The following SHISA6 variants were observed in gnomAD, a reference collection of about 807,000 sequenced individuals.
SHISA6 encodes the protein shisa family member 6, also known as protein shisa-6.
A neutral mutation model predicts 47.9 loss-of-function variants in SHISA6; 22 were observed. The observed-to-expected ratio is 0.46, with a 90% CI of 0.33 to 0.66. The LOEUF (loss-of-function observed/expected upper bound fraction) is 0.66, where lower values mean the gene tolerates loss of function less well. Among genes scored for constraint, SHISA6 ranks in the 30% least tolerant of loss-of-function variants. SHISA6 has a pLI of 0.02. For synonymous variants in SHISA6, 388 were observed against 337.8 expected (o/e 1.15, Z -1.63); for missense variants, 680 against 764.6 (o/e 0.89, Z 1.30).
intron 1 of SHISA6, 78 bp from the exon 2 acceptor site, chr17:11,263,288 A>G: frequency 1.4e-6 from 2 of 1,447,940 alleles, no homozygotes; most frequent in Non-Finnish European, 9.4e-7. Flanking sequence ...CAAAGGGCAT[A>G]TGAAAGTAAG....
At chr17:11,465,236 A>C (rs571609261) in intron 3 of SHISA6, among the ~76,000 whole-genome samples, 34 of 152,134 alleles carry the variant, frequency 2.2e-4, no homozygotes, top group Middle Eastern at 6.8e-3. Flanking sequence ...CCTCCAGCCT[A>C]CTGAATCCTA....
chr17:11,487,475 A>T (rs1388189582), intron 3 of SHISA6, among the ~76,000 whole-genome samples: 2 of 152,200 alleles, frequency 1.3e-5, no homozygotes. Context: ...AAGTGGGGAC[A>T]AGAGTCAGAC....
At chr17:11,547,103 G>A (rs1166428069) in intron 3 of SHISA6, among the ~76,000 whole-genome samples, 2 of 152,200 alleles carry the variant, frequency 1.3e-5, no homozygotes, top group African/African-American at 4.8e-5. Context: ...GAACACAAGA[G>A]TAGTGGAAGA....
At chr17:11,414,150 C>A (rs1914214832) in intron 3 of SHISA6, among the ~76,000 whole-genome samples, 1 of 151,750 alleles carries the variant, frequency 6.6e-6, no homozygotes, top group Non-Finnish European at 1.5e-5. Flanking sequence ...CCTTCCTCAT[C>A]TTTCTTCTGT....
At chr17:11,303,492 T>C (rs935614330) in intron 2 of SHISA6, among the ~76,000 whole-genome samples, 2 of 152,108 alleles carry the variant, frequency 1.3e-5, no homozygotes, top group Non-Finnish European at 2.9e-5. Context: ...TGATCACTTG[T>C]GTGTGACTGT....
At chr17:11,243,020 G>A (rs1006145343) in intron 1 of SHISA6, among the ~76,000 whole-genome samples, 1 of 151,942 alleles carries the variant, frequency 6.6e-6, no homozygotes, top group Non-Finnish European at 1.5e-5. Context: ...TGGTGCAAGA[G>A]TCCTCTCAGG....
chr17:11,322,809 C>A (rs1910755576), intron 2 of SHISA6, among the ~76,000 whole-genome samples: 1 of 152,140 alleles, frequency 6.6e-6, no homozygotes, highest in African/African-American at 2.4e-5. Context: ...CAGGCTCCTA[C>A]AAAAGAAATG....
At chr17:11,331,461 T>C (rs1911109496) in intron 2 of SHISA6, among the ~76,000 whole-genome samples, 1 of 152,194 alleles carries the variant, frequency 6.6e-6, no homozygotes. Flanking sequence ...GCCTGCTTTG[T>C]TTTTGAGAGG....
At chr17:11,270,679 AT>A (rs774390741) in intron 2 of SHISA6, among the ~76,000 whole-genome samples, 7 of 152,200 alleles carry the variant, frequency 4.6e-5, no homozygotes, top group Non-Finnish European at 1.0e-4. Context: ...ATTTGGACAT[AT>A]GTTTCCATAA....
intron 1 of SHISA6, among the ~76,000 whole-genome samples, chr17:11,257,622 C>A (rs763445390): frequency 3.4e-5 from 5 of 147,752 alleles, no homozygotes; most frequent in Admixed American, 6.8e-5. Context: ...GATCTCACCA[C>A]TGCACTGCAG....
chr17:11,414,905 G>A (rs1030851070), intron 3 of SHISA6, among the ~76,000 whole-genome samples: 2 of 151,714 alleles, frequency 1.3e-5, no homozygotes, highest in African/African-American at 4.8e-5. Context: ...GGCCAAGATG[G>A]TGAAACCCCG....
intron 3 of SHISA6, among the ~76,000 whole-genome samples, chr17:11,411,830 T>C (rs1310073195): frequency 6.6e-6 from 1 of 152,208 alleles, no homozygotes. Context: ...AAGATTTTCG[T>C]CTGGGTAGCT....
At chr17:11,292,831 T>G (rs1310865565) in intron 2 of SHISA6, among the ~76,000 whole-genome samples, 1 of 151,054 alleles carries the variant, frequency 6.6e-6, no homozygotes, top group Non-Finnish European at 1.5e-5. Context: ...TTGATTTTTT[T>G]TTTTTTTTTT....
chr17:11,392,182 T>G lies in SHISA6; in HGVS notation c.895+12673T>G, dbSNP rs138184436. ...CCCAGTGAATCTTTTTTTTTTCTTC[T>G]GTCCTGGGGGAGTAATTCTGGGGAA... On this transcript the variant is annotated intron_variant, in intron 3 of 5. Transcript: ENST00000441885. Among the ~76,000 whole-genome samples, 195 of 152,262 alleles carry G rather than the reference T, an allele frequency of 1.3e-3. 2 individuals are homozygous for G. The highest frequency in any genetic ancestry group is 4.4e-3 in the African/African-American group (183 of 41,554).
At chr17:11,450,874 T>C (rs1459657480) in intron 3 of SHISA6, among the ~76,000 whole-genome samples, 3 of 152,044 alleles carry the variant, frequency 2.0e-5, no homozygotes, top group African/African-American at 7.2e-5. Context: ...CCATGAACCT[T>C]GCCCCTCAAG....
chr17:11,325,820 T>G (rs945195735), intron 2 of SHISA6, among the ~76,000 whole-genome samples: 1 of 152,214 alleles, frequency 6.6e-6, no homozygotes, highest in African/African-American at 2.4e-5. Flanking sequence ...TTAGTTGATC[T>G]CTCAGTCTTT....
intron 3 of SHISA6, among the ~76,000 whole-genome samples, chr17:11,403,595 C>G (rs532235928): frequency 6.6e-6 from 1 of 152,182 alleles, no homozygotes; most frequent in African/African-American, 2.4e-5. Context: ...AGACTGGCCA[C>G]TGGGTGGGTG....
chr17:11,318,623 C>T (rs921238703), intron 2 of SHISA6, among the ~76,000 whole-genome samples: 2 of 152,288 alleles, frequency 1.3e-5, no homozygotes, highest in African/African-American at 4.8e-5. Context: ...TATGTATGTA[C>T]GTATGTGTTT....
At chr17:11,322,038 T>C (rs4792133) in intron 2 of SHISA6, among the ~76,000 whole-genome samples, 53,803 of 152,014 alleles carry the variant, frequency 0.35, 10,240 homozygotes, top group Middle Eastern at 0.5. Context: ...TTTAAACAAC[T>C]CTTTTTGTGG....
Sources: gnomAD v4.1 joint callset for allele counts (sites outside exome capture counted in the v4.1 genomes callset) on GRCh38, gnomAD v4.1.1 for gene constraint, MANE v1.5 for transcripts, NCBI Gene and HGNC (gene_info 2026-07-23, HGNC 2026-07-21) for gene names.